TNNI1: variants seen among roughly 807,000 people sequenced by gnomAD.
TNNI1 encodes troponin I1, slow skeletal type.
A neutral mutation model predicts 26.7 loss-of-function variants in TNNI1; 14 were observed. That is an observed-to-expected ratio of 0.52 (90% CI 0.35 to 0.82). TNNI1 has a LOEUF of 0.82. Ranked by LOEUF, TNNI1 falls within the 40% of genes least tolerant of loss-of-function variation. The pLI is 0.01. For missense variants in TNNI1, 164 were observed against 257.0 expected, an observed-to-expected ratio of 0.64 and a Z score of 2.47; for synonymous variants, 79 against 98.2, an observed-to-expected ratio of 0.80 and a Z score of 1.16.
intron 1 of TNNI1, among the ~76,000 whole-genome samples, chr1:201,421,244 C>T (rs1662851671): frequency 6.6e-6 from 1 of 152,172 alleles, no homozygotes; most frequent in Admixed American, 6.5e-5. Flanking sequence ...GTCAGGCACC[C>T]TCCTTCTCTT....
rs1232617283 is a variant in TNNI1 at position 201,411,609 on chromosome 1, G to A, written c.280-76C>T. ...ACACCCTTCCTGAGGACCTCAGACTGCTAGGGTTCCAGCCAGAGATACACC... is the reference window on the plus strand; with the variant it reads ...ACACCCTTCCTGAGGACCTCAGACTACTAGGGTTCCAGCCAGAGATACACC... On this transcript the variant is annotated intron_variant, in intron 6 of 8. Transcript: ENST00000361379. The surrounding 1 kb of genome is among the most constrained non-coding windows in gnomAD (Gnocchi z 4.6). The A allele has an allele frequency of 6.4e-6, 9 of 1,397,408 alleles. No individual in the cohort carries two copies. The East Asian group carries it at 1.4e-4, about 22-fold the overall frequency. 86.6% of individuals were successfully genotyped at this position (1,397,408 alleles called of 1,614,324 possible).
intron 2 of TNNI1, 27 bp downstream of exon 2, chr1:201,417,756 G>GC: frequency 7.6e-7 from 1 of 1,313,666 alleles, no homozygotes; most frequent in Non-Finnish European, 9.8e-7. Context: ...CCTTCCTGGG[G>GC]CCCCAGATGG....
chr1:201,412,985 C>A, intron 6 of TNNI1, 47 bp downstream of exon 6: 1 of 1,591,290 alleles, frequency 6.3e-7, no homozygotes, highest in Non-Finnish European at 8.6e-7. Context: ...TGCCCATGCC[C>A]CTGCCCAACC....
intron 6 of TNNI1, 120 bp downstream of exon 6, chr1:201,412,912 T>G: frequency 1.0e-6 from 1 of 971,972 alleles, no homozygotes; most frequent in Non-Finnish European, 1.6e-6. Context: ...CAAAGTTTCC[T>G]GCTTAAGTGG....
intron 5 of TNNI1, among the ~76,000 whole-genome samples, chr1:201,413,370 G>T (rs1407654339): frequency 6.6e-6 from 1 of 152,198 alleles, no homozygotes; most frequent in Non-Finnish European, 1.5e-5. Flanking sequence ...GGAGGTTGCA[G>T]TGAGCTGAGA....
intron 1 of TNNI1, among the ~76,000 whole-genome samples, chr1:201,418,553 G>A (rs1662796600): frequency 6.6e-6 from 1 of 152,106 alleles, no homozygotes; most frequent in African/African-American, 2.4e-5. Context: ...TTATCCTGTG[G>A]AATAAGGGTG....
chr1:201,415,072 G>T, intron 4 of TNNI1, 141 bp downstream of exon 4: 1 of 777,924 alleles, frequency 1.3e-6, no homozygotes, highest in Non-Finnish European at 2.1e-6. Context: ...CTCCAGCAAT[G>T]CTGGACTCCT....
chr1:201,419,553 T>A (rs1205705336), intron 1 of TNNI1, among the ~76,000 whole-genome samples: 4 of 152,180 alleles, frequency 2.6e-5, no homozygotes, highest in Non-Finnish European at 1.5e-5. Flanking sequence ...AACCTTGTTG[T>A]GGGGTCTGGG....
chr1:201,414,442 C>A, intron 5 of TNNI1, 76 bp downstream of exon 5: 1 of 1,348,492 alleles, frequency 7.4e-7, no homozygotes, highest in Non-Finnish European at 9.9e-7. Context: ...AGTTCAGGCT[C>A]CTGCCGCCTG....
At chr1:201,410,783 T>C (rs1385036863) in intron 7 of TNNI1, among the ~76,000 whole-genome samples, 2 of 152,236 alleles carry the variant, frequency 1.3e-5, no homozygotes, top group Non-Finnish European at 2.9e-5. Context: ...AGTCTTCCCC[T>C]GCAAATGCGG....
Position 201,404,791 on chromosome 1 carries a change from G to T in TNNI1, c.*4462C>A, listed in dbSNP as rs1197256701. 1 of 152,304 alleles carries T rather than the reference G, an allele frequency of 6.6e-6. No homozygotes were observed. The highest frequency in any genetic ancestry group is 2.4e-5 in the African/African-American group (1 of 41,460). The allele number at this position is 152,304 out of a possible 1,614,324, so 9.4% of individuals were successfully genotyped here. ...AGGCACTAGTACAGGGGACACACAGGTGTCTGTGACACTCAGGGCGGGCAG... is the reference window on the plus strand; with the variant it reads ...AGGCACTAGTACAGGGGACACACAGTTGTCTGTGACACTCAGGGCGGGCAG... On this transcript the variant is annotated 3_prime_UTR_variant, in exon 9 of 9. Transcript: ENST00000361379.
At chr1:201,418,422 C>G (rs142166602) in intron 1 of TNNI1, among the ~76,000 whole-genome samples, 2,167 of 149,316 alleles carry the variant, frequency 0.015, 71 homozygotes, top group African/African-American at 0.051. Context: ...GAGCCGAGAT[C>G]GCACCACTGC....
In TNNI1 at chr1:201,411,165, GC is replaced by G. The variant is rs1337565205; in HGVS notation, c.456+191del. On this transcript the variant is annotated intron_variant, in intron 7 of 8. Transcript: ENST00000361379. This position sits in a 1 kb window ranked among gnomAD's most constrained non-coding sequence, Gnocchi z 4.6. The stretch of plus-strand genomic sequence containing the variant: ...TAGTTTCTTCGTCAGACTGGGAACA[GC>G]CTGAAGGAAGGGAGCAAATCTTCTT... 6.6e-6 allele frequency among the ~76,000 whole-genome samples: 1 copy of G among 152,232 alleles called. No homozygotes were observed.
chr1:201,411,379 ACAGACTTGAGGTTGGCC>A lies in TNNI1; in HGVS notation c.417_433del (p.Ala140GlufsTer15). 6.2e-7 allele frequency: 1 copy of A among 1,613,766 alleles called. No individual in the cohort carries two copies. The highest frequency in any genetic ancestry group is 8.5e-7 in the Non-Finnish European group (1 of 1,179,864). On this transcript the variant is annotated frameshift_variant, in exon 7 of 9. Coordinates refer to ENST00000361379, the MANE Select transcript of TNNI1 (RefSeq NM_003281.4). LOFTEE classifies it high-confidence loss of function. The surrounding 1 kb of genome is among the most constrained non-coding windows in gnomAD (Gnocchi z 4.6). ...CACCTTCTCTGTGTCTTCCTTCTTC[ACAGACTTGAGGTTGGCC>A]CGCAGATCCATGGACACCTTGTGCT...
At chr1:201,414,780 A>G (rs1469869750) in intron 4 of TNNI1, 131 bp from the exon 5 acceptor site, 8 of 1,422,976 alleles carry the variant, frequency 5.6e-6, no homozygotes, top group Non-Finnish European at 7.5e-6. Context: ...TGCAGCAGCC[A>G]TGGACAGGCC....
chr1:201,417,967 G>A (rs1441672676), intron 1 of TNNI1, among the ~76,000 whole-genome samples, 155 bp from the exon 2 acceptor site: 1 of 152,002 alleles, frequency 6.6e-6, no homozygotes, highest in African/African-American at 2.4e-5. Flanking sequence ...GGACAGGGTT[G>A]CAGGGCAGGG....
Position 201,405,539 on chromosome 1 carries a change from C to G in TNNI1, c.*3714G>C, listed in dbSNP as rs1205422898. ...GCTAACCCCCCCGCCCCCGGCTGCC[C>G]AGCCCAGAGACTTGTGGGGAGTATG... On this transcript the variant is annotated 3_prime_UTR_variant, in exon 9 of 9. Transcript: ENST00000361379. 1 of 152,876 alleles carries G rather than the reference C, an allele frequency of 6.5e-6. No homozygotes were observed. The highest frequency in any genetic ancestry group is 2.4e-5 in the African/African-American group (1 of 41,460). The allele number at this position is 152,876 out of a possible 1,614,324, so 9.5% of individuals were successfully genotyped here. A position where few individuals can be genotyped will look rare whatever the true frequency, so the allele number is the denominator to read the frequency against.
In TNNI1 at chr1:201,410,984, C is replaced by A. The variant is rs534162499; in HGVS notation, c.456+373G>T. 6.6e-5 allele frequency among the ~76,000 whole-genome samples: 10 copies of A among 152,332 alleles called. No individual in the cohort carries two copies. The South Asian group carries it at 2.1e-3, about 32-fold the overall frequency. On this transcript the variant is annotated intron_variant, in intron 7 of 8. Coordinates refer to ENST00000361379, the MANE Select transcript of TNNI1 (RefSeq NM_003281.4). ...AACTCAGTTCTCTAATGTCTATGCTCGTGTGTGGCTATAACCAAGATGAGC... is the reference window on the plus strand; with the variant it reads ...AACTCAGTTCTCTAATGTCTATGCTAGTGTGTGGCTATAACCAAGATGAGC...
intron 4 of TNNI1, 108 bp downstream of exon 4, chr1:201,415,105 G>C: frequency 9.7e-7 from 1 of 1,027,548 alleles, no homozygotes; most frequent in Non-Finnish European, 1.5e-6. Flanking sequence ...CCTCACTCTG[G>C]CCTCCTTCCT....
Sources: allele counts gnomAD v4.1 joint callset (sites outside exome capture counted in the v4.1 genomes callset), GRCh38; gene constraint gnomAD v4.1.1; non-coding constraint Gnocchi (gnomAD v3.1); transcripts MANE v1.5; gene names NCBI Gene and HGNC (gene_info 2026-07-23, HGNC 2026-07-21).